NAALADL2: variants seen among roughly 807,000 people sequenced by gnomAD.
The protein encoded by NAALADL2 is N-acetylated alpha-linked acidic dipeptidase like 2, also known as inactive N-acetylated-alpha-linked acidic dipeptidase-like protein 2.
In NAALADL2, 76 loss-of-function variants were observed where a neutral mutation model predicts 87.2. The ratio of observed to expected loss-of-function variants is 0.87; its 90% CI spans 0.72 to 1.05. The LOEUF (loss-of-function observed/expected upper bound fraction) is 1.05. NAALADL2 is among the 50% of genes least tolerant of loss of function. The pLI, the probability that NAALADL2 is intolerant of heterozygous loss-of-function variation, is 0.00. For missense variants in NAALADL2, 1,089 were observed against 945.8 expected (o/e 1.15, Z -1.99); for synonymous variants, 354 against 331.0 (o/e 1.07, Z -0.75).
chr3:174,974,554 C>A (rs537211819), intron 1 of NAALADL2, among the ~76,000 whole-genome samples: 104 of 152,266 alleles, frequency 6.8e-4, no homozygotes, highest in Non-Finnish European at 1.0e-3. Flanking sequence ...CAGGGACAGG[C>A]ACATAGTAGG....
chr3:175,467,982 C>T (rs1305962174), intron 8 of NAALADL2, among the ~76,000 whole-genome samples: 2 of 152,052 alleles, frequency 1.3e-5, no homozygotes, highest in Admixed American at 1.3e-4. Context: ...AAAAACACTA[C>T]ATAATTTTAC....
chr3:174,730,478 T>A (rs1023336110), intron 2 of NAALADL2, among the ~76,000 whole-genome samples: 11 of 152,126 alleles, frequency 7.2e-5, no homozygotes, highest in Non-Finnish European at 1.5e-4. Flanking sequence ...TCTATAGATA[T>A]ATGTCAAAAT....
At chr3:174,955,336 A>G (rs1026845779) in intron 1 of NAALADL2, among the ~76,000 whole-genome samples, 4 of 152,126 alleles carry the variant, frequency 2.6e-5, no homozygotes, top group African/African-American at 9.7e-5. Context: ...AAGTTCAGAG[A>G]AGTTTCACAG....
chr3:175,327,148 C>CTTTTTTT lies in NAALADL2; in HGVS notation c.1090+2840_1090+2846dup, dbSNP rs35198621. On this transcript the variant is annotated intron_variant, in intron 5 of 13. Coordinates refer to ENST00000454872, the MANE Select transcript of NAALADL2 (RefSeq NM_207015.3). ...CCAGCTTTATCAACTGTCTACATTTCTTTTTTTTTTTTTTTTTTTTTTTCT... is the reference window on the plus strand; with the variant it reads ...CCAGCTTTATCAACTGTCTACATTTCTTTTTTTTTTTTTTTTTTTTTTTTTTTTTTCT... Among the ~76,000 whole-genome samples, 238 of 99,488 alleles carry CTTTTTTT rather than the reference C, an allele frequency of 2.4e-3. 8 individuals are homozygous for CTTTTTTT. Among genetic ancestry groups the CTTTTTTT allele is most frequent in the African/African-American group, 9.1e-3 (217 of 23,788 alleles). The allele number at this position is 99,488 out of a possible 152,430, so 65.3% of individuals were successfully genotyped here.
intron 10 of NAALADL2, among the ~76,000 whole-genome samples, chr3:175,614,173 C>T (rs1014820560): frequency 6.6e-6 from 1 of 152,168 alleles, no homozygotes; most frequent in Non-Finnish European, 1.5e-5. Flanking sequence ...CTGCCTCATC[C>T]TCCTGAGTAG....
intron 13 of NAALADL2, among the ~76,000 whole-genome samples, chr3:175,792,601 T>C (rs975783133): frequency 6.6e-6 from 1 of 152,172 alleles, no homozygotes; most frequent in Non-Finnish European, 1.5e-5. Context: ...AAACTATATC[T>C]ATAATTGTAA....
chr3:175,231,018 T>G (rs1356819443), intron 2 of NAALADL2, among the ~76,000 whole-genome samples: 1 of 152,116 alleles, frequency 6.6e-6, no homozygotes, highest in South Asian at 2.1e-4. Context: ...AATATTTATC[T>G]TAGGAAAACT....
intron 3 of NAALADL2, among the ~76,000 whole-genome samples, chr3:174,846,924 C>T (rs1239496360): frequency 3.3e-5 from 5 of 152,074 alleles, no homozygotes; most frequent in Non-Finnish European, 7.4e-5. Context: ...GGGAATTGTT[C>T]TCCAGGCAAG....
chr3:174,982,802 A>ATT (rs1317804962), intron 1 of NAALADL2, among the ~76,000 whole-genome samples: 1 of 149,300 alleles, frequency 6.7e-6, no homozygotes, highest in Non-Finnish European at 1.5e-5. Flanking sequence ...CCAGGTTAAA[A>ATT]TTTTTTTTTT....
At chr3:175,589,330 T>C (rs1306022639) in intron 10 of NAALADL2, among the ~76,000 whole-genome samples, 1 of 70,352 alleles carries the variant, frequency 1.4e-5, no homozygotes, top group Non-Finnish European at 3.1e-5. Flanking sequence ...GATAAATCAA[T>C]GTATGGATAC....
At chr3:174,656,217 C>T (rs538886133) in intron 2 of NAALADL2, among the ~76,000 whole-genome samples, 7 of 152,212 alleles carry the variant, frequency 4.6e-5, no homozygotes, top group African/African-American at 1.7e-4. Context: ...AAAGAATACC[C>T]TGAAGTAGGT....
chr3:175,156,881 C>T (rs564935504), intron 2 of NAALADL2, among the ~76,000 whole-genome samples: 1 of 152,056 alleles, frequency 6.6e-6, no homozygotes, highest in African/African-American at 2.4e-5. Context: ...TCTCACCTAC[C>T]TGGGTTCAGT....
chr3:175,746,718 T>A (rs1398170329), intron 12 of NAALADL2, among the ~76,000 whole-genome samples: 2 of 152,220 alleles, frequency 1.3e-5, no homozygotes, highest in African/African-American at 4.8e-5. Context: ...AAGCATTCAA[T>A]GAGAAGTATC....
intron 3 of NAALADL2, among the ~76,000 whole-genome samples, chr3:175,239,249 A>G (rs1270124052): frequency 6.6e-6 from 1 of 152,240 alleles, no homozygotes; most frequent in Non-Finnish European, 1.5e-5. Context: ...TAAAATGGAT[A>G]CATAAATAAT....
chr3:175,376,136 A>G (rs565826199), intron 5 of NAALADL2, among the ~76,000 whole-genome samples: 18 of 152,262 alleles, frequency 1.2e-4, no homozygotes, highest in African/African-American at 4.1e-4. Context: ...CATTTTATAC[A>G]GCCAACTATC....
intron 13 of NAALADL2, among the ~76,000 whole-genome samples, chr3:175,764,542 AT>A (rs67175572): frequency 0.78 from 117,370 of 150,646 alleles, 46,529 homozygotes; most frequent in African/African-American, 0.94. Flanking sequence ...AGCCAAGACC[AT>A]TTTTTTTTTT....
At chr3:175,290,492 G>A (rs1306671243) in intron 4 of NAALADL2, among the ~76,000 whole-genome samples, 1 of 152,272 alleles carries the variant, frequency 6.6e-6, no homozygotes, top group African/African-American at 2.4e-5. Flanking sequence ...GGAGTTGGGG[G>A]ATGATGGAAA....
At chr3:175,508,109 G>T (rs1371820656) in intron 9 of NAALADL2, among the ~76,000 whole-genome samples, 1 of 152,126 alleles carries the variant, frequency 6.6e-6, no homozygotes, top group Non-Finnish European at 1.5e-5. Flanking sequence ...GGGCAGAGGT[G>T]CCATACATTT....
intron 11 of NAALADL2, among the ~76,000 whole-genome samples, chr3:175,688,417 C>T (rs961745731): frequency 6.6e-6 from 1 of 152,094 alleles, no homozygotes; most frequent in African/African-American, 2.4e-5. Flanking sequence ...CTGGGAGAGA[C>T]AGAATTGGGC....
Sources: allele counts gnomAD v4.1 joint callset (sites outside exome capture counted in the v4.1 genomes callset), GRCh38; gene constraint gnomAD v4.1.1; transcripts MANE v1.5; gene names NCBI Gene and HGNC (gene_info 2026-07-23, HGNC 2026-07-21).